TYW1B: variants seen among roughly 807,000 people sequenced by gnomAD.
TYW1B encodes S-adenosyl-L-methionine-dependent tRNA 4-demethylwyosine synthase TYW1B.
A neutral mutation model predicts 86.9 loss-of-function variants in TYW1B; 73 were observed. The observed-to-expected ratio is 0.84, with a 90% CI of 0.70 to 1.02. The LOEUF is 1.02. TYW1B is among the 50% of genes least tolerant of loss of function. TYW1B has a pLI of 0.00. For synonymous variants in TYW1B, 248 were observed against 292.8 expected (o/e 0.85, Z 1.56); for missense variants, 637 against 827.4 (o/e 0.77, Z 2.82).
intron 13 of TYW1B, among the ~76,000 whole-genome samples, chr7:72,586,598 G>A (rs1811282675): frequency 6.6e-6 from 1 of 152,114 alleles, no homozygotes; most frequent in South Asian, 2.1e-4. Context: ...TTAGCCAGGT[G>A]TGGTGGTGCA....
intron 13 of TYW1B, among the ~76,000 whole-genome samples, chr7:72,586,619 C>T (rs1163468065): frequency 1.3e-5 from 2 of 152,102 alleles, no homozygotes; most frequent in African/African-American, 2.4e-5. Flanking sequence ...TGCCCGTAAT[C>T]CCAGCTACGT....
chr7:72,826,780 G>A lies in TYW1B; in HGVS notation c.135+75C>T, dbSNP rs1788938360. ...AAGACCAAACACAAAAGTAATTAAAGGTTCCTTTTAGTGTTTAAATCCTCT... is the reference window on the plus strand; with the variant it reads ...AAGACCAAACACAAAAGTAATTAAAAGTTCCTTTTAGTGTTTAAATCCTCT... On this transcript the variant is annotated intron_variant, in intron 2 of 13. Coordinates refer to ENST00000620995, the MANE Select transcript of TYW1B (RefSeq NM_001145440.3). 3 of 1,519,066 alleles carry A rather than the reference G, an allele frequency of 2.0e-6. No homozygotes were observed. In the South Asian group the frequency reaches 3.9e-5, roughly 20 times the overall value. 94.1% of individuals were successfully genotyped at this position (1,519,066 alleles called of 1,614,324 possible).
intron 8 of TYW1B, among the ~76,000 whole-genome samples, chr7:72,738,651 G>A (rs1302238614): frequency 6.6e-6 from 1 of 151,962 alleles, no homozygotes; most frequent in Non-Finnish European, 1.5e-5. Context: ...TCTCTGTGTG[G>A]GACAAGAAAT....
At chr7:72,790,097 ACC>A (rs1411162662) in intron 6 of TYW1B, among the ~76,000 whole-genome samples, 4 of 151,056 alleles carry the variant, frequency 2.6e-5, no homozygotes, top group Admixed American at 6.6e-5. Context: ...ACAGGCATGC[ACC>A]ACCACGCCTG....
At position 72,574,619 on chromosome 7, in the gene TYW1B, A is replaced by G. The variant is rs1359934275; in HGVS notation, c.*879T>C. ...AGTATTTATGATCTTTCCAACTTGA[A>G]AACACCTGAACCTTATAGAACAGAT... On this transcript the variant is annotated 3_prime_UTR_variant, in exon 14 of 14. Transcript: ENST00000620995. The G allele has an allele frequency of 1.0e-6, 1 of 985,348 alleles. No individual in the cohort carries two copies. Among genetic ancestry groups the G allele is most frequent in the Non-Finnish European group, 1.2e-6 (1 of 829,946 alleles). The allele number at this position is 985,348 out of a possible 1,614,324, so 61.0% of individuals were successfully genotyped here.
chr7:72,617,738 G>C (rs1458195491), intron 12 of TYW1B, among the ~76,000 whole-genome samples: 3 of 152,130 alleles, frequency 2.0e-5, no homozygotes, highest in Admixed American at 6.5e-5. Context: ...CATGCCAAAA[G>C]GGAAATATAT....
intron 13 of TYW1B, among the ~76,000 whole-genome samples, chr7:72,578,136 C>T (rs1215397080): frequency 3.6e-5 from 5 of 137,014 alleles, no homozygotes; most frequent in African/African-American, 5.6e-5. Context: ...TTTTTTGAGA[C>T]GGAGTCTCGC....
At chr7:72,700,684 G>A (rs1173756056) in intron 10 of TYW1B, among the ~76,000 whole-genome samples, 2 of 151,890 alleles carry the variant, frequency 1.3e-5, no homozygotes, top group African/African-American at 4.8e-5. Flanking sequence ...AAATATGTTG[G>A]CATGCCTGAA....
intron 11 of TYW1B, among the ~76,000 whole-genome samples, chr7:72,663,996 T>A (rs1813400173): frequency 6.6e-6 from 1 of 151,964 alleles, no homozygotes; most frequent in Non-Finnish European, 1.5e-5. Context: ...TATATAAACA[T>A]CAACTCTCTT....
At chr7:72,821,345 T>C (rs1788824809) in intron 2 of TYW1B, among the ~76,000 whole-genome samples, 1 of 152,244 alleles carries the variant, frequency 6.6e-6, no homozygotes, top group Admixed American at 6.5e-5. Flanking sequence ...CACTGCAACC[T>C]TACACAAAAA....
intron 13 of TYW1B, among the ~76,000 whole-genome samples, chr7:72,577,295 T>C (rs1554428884): frequency 1.3e-5 from 2 of 152,174 alleles, no homozygotes; most frequent in Non-Finnish European, 2.9e-5. Context: ...AGCTAAGAGC[T>C]TTCTAGGGGG....
At chr7:72,695,949 C>CTTT (rs1159991591) in intron 10 of TYW1B, among the ~76,000 whole-genome samples, 2 of 93,750 alleles carry the variant, frequency 2.1e-5, no homozygotes, top group Non-Finnish European at 4.4e-5. Flanking sequence ...TTTTTCTTTT[C>CTTT]TTTTTTTTTT....
chr7:72,712,553 C>CT (rs1786690788), intron 10 of TYW1B, among the ~76,000 whole-genome samples: 1 of 152,216 alleles, frequency 6.6e-6, no homozygotes, highest in Non-Finnish European at 1.5e-5. Flanking sequence ...GTCTGGAACT[C>CT]TCAACCTCAG....
chr7:72,631,298 A>G (rs1812483711), intron 11 of TYW1B, among the ~76,000 whole-genome samples: 1 of 152,140 alleles, frequency 6.6e-6, no homozygotes, highest in African/African-American at 2.4e-5. Context: ...CGCTCACTTG[A>G]GGTCAGGAGT....
rs1195035421 is a variant in TYW1B, at chr7:72,632,367, G to GTATATATATTATATATATA, written c.1507-3371_1507-3370insTATATATATAATATATATA. 2.1e-4 allele frequency among the ~76,000 whole-genome samples: 13 copies of GTATATATATTATATATATA among 60,472 alleles called. 2 individuals are homozygous for GTATATATATTATATATATA. Among genetic ancestry groups the GTATATATATTATATATATA allele is most frequent in the African/African-American group, 1.0e-3 (11 of 11,030 alleles). The allele number at this position is 60,472 out of a possible 152,430, so 39.7% of individuals were successfully genotyped here. ...TATATTATATATATTATATATATACGCATATATATTATATATATACGTATA... is the reference window on the plus strand; with the variant it reads ...TATATTATATATATTATATATATACGTATATATATTATATATATACATATATATTATATATATACGTATA... On this transcript the variant is annotated intron_variant, in intron 11 of 13. Coordinates refer to ENST00000620995, the MANE Select transcript of TYW1B (RefSeq NM_001145440.3).
At chr7:72,605,182 G>A (rs1484147323) in intron 13 of TYW1B, among the ~76,000 whole-genome samples, 5 of 152,134 alleles carry the variant, frequency 3.3e-5, no homozygotes, top group Admixed American at 6.6e-5. Flanking sequence ...AAACGACCAC[G>A]AAGTATTCCA....
At chr7:72,801,221 C>T (rs1212125010) in intron 6 of TYW1B, among the ~76,000 whole-genome samples, 7 of 151,962 alleles carry the variant, frequency 4.6e-5, no homozygotes, top group Admixed American at 1.3e-4. Context: ...CCCGGCTACT[C>T]GGGAGGCTGA....
intron 5 of TYW1B, among the ~76,000 whole-genome samples, chr7:72,804,064 C>A (rs569335781): frequency 6.6e-6 from 1 of 151,680 alleles, no homozygotes; most frequent in African/African-American, 2.4e-5. Context: ...GCAGATGGAT[C>A]ACCTGAGGTC....
chr7:72,803,894 G>A (rs1788449243), intron 5 of TYW1B, among the ~76,000 whole-genome samples: 1 of 151,916 alleles, frequency 6.6e-6, no homozygotes, highest in Non-Finnish European at 1.5e-5. Flanking sequence ...GGTTACAAAT[G>A]TGAGCCACCG....
Sources: allele counts gnomAD v4.1 joint callset (sites outside exome capture counted in the v4.1 genomes callset), GRCh38; gene constraint gnomAD v4.1.1; transcripts MANE v1.5; gene names NCBI Gene and HGNC (gene_info 2026-07-23, HGNC 2026-07-21).